TIAM1: variants seen among roughly 807,000 people sequenced by gnomAD.
TIAM1 encodes the protein rho guanine nucleotide exchange factor TIAM1.
TIAM1 carries 65 observed loss-of-function variants against 163.5 expected under a neutral mutation model. The ratio of observed to expected loss-of-function variants is 0.40; its 90% CI spans 0.33 to 0.49. The LOEUF is 0.49. Among genes scored for constraint, TIAM1 ranks in the 20% least tolerant of loss-of-function variants. The pLI, the probability that TIAM1 is intolerant of heterozygous loss-of-function variation, is 0.77. For missense variants in TIAM1, 1,789 were observed against 2,044.7 expected, an observed-to-expected ratio of 0.87 and a Z score of 2.41; for synonymous variants, 833 against 810.1, an observed-to-expected ratio of 1.03 and a Z score of -0.48.
In TIAM1 at chr21:31,120,538, G is replaced by A. The variant is rs115760029; in HGVS notation, c.4606C>T (p.Arg1536Trp). The change falls in exon 28 of 28, where the codon CGG (arginine) becomes TGG (tryptophan). Residue 1536 changes from arginine to tryptophan, a missense_variant. This residue lies in a region of TIAM1 where 415 missense variants were observed against 439.2 expected (regional missense o/e 0.94). Coordinates refer to ENST00000541036, the MANE Select transcript of TIAM1 (RefSeq NM_001353694.2). This position sits in a 1 kb window ranked among gnomAD's most constrained non-coding sequence, Gnocchi z 4.2. ...ERLQATSISQ[R>W]ERGRKTLDSH... is the part of the protein sequence containing the mutation. ...TCCAGGGTTTTCCGGCCTCTTTCCC[G>A]CTGACTGATGGAGGTGGCCTGAAGC... The A allele has an allele frequency of 2.5e-5, 40 of 1,614,154 alleles. No homozygotes were observed. Among genetic ancestry groups the A allele is most frequent in the Admixed American group, 8.3e-5 (5 of 60,030 alleles).
At chr21:31,375,920 G>A (rs545775260) in intron 2 of TIAM1, among the ~76,000 whole-genome samples, 7 of 152,068 alleles carry the variant, frequency 4.6e-5, no homozygotes, top group Admixed American at 2.6e-4. Flanking sequence ...CCAGCTACTC[G>A]GGAGGCTGAG....
At chr21:31,442,084 T>TATATATATATATAG (rs1389424801) in intron 2 of TIAM1, among the ~76,000 whole-genome samples, 4 of 122,708 alleles carry the variant, frequency 3.3e-5, no homozygotes, top group African/African-American at 1.2e-4. Flanking sequence ...TATATATATA[T>TATATATATATATAG]ATAGAACAAT....
intron 1 of TIAM1, among the ~76,000 whole-genome samples, chr21:31,510,550 C>A: frequency 6.6e-6 from 1 of 152,142 alleles, no homozygotes; most frequent in East Asian, 1.9e-4. Flanking sequence ...GTTGGGCTCA[C>A]ACCTGTAATC....
chr21:31,432,592 A>T (rs2044079824), intron 2 of TIAM1, among the ~76,000 whole-genome samples: 1 of 152,232 alleles, frequency 6.6e-6, no homozygotes, highest in African/African-American at 2.4e-5. Flanking sequence ...CAGAGAAGAA[A>T]AGCAACTCCA....
At chr21:31,506,393 A>T (rs906713235) in intron 1 of TIAM1, among the ~76,000 whole-genome samples, 7 of 152,224 alleles carry the variant, frequency 4.6e-5, no homozygotes, top group Middle Eastern at 3.4e-3. Flanking sequence ...GTTCAGTGTT[A>T]TTAAGTACAT....
chr21:31,394,728 T>TCTCACACACA lies in TIAM1; in HGVS notation c.-368-55307_-368-55306insTGTGTGTGAG, dbSNP rs1279053911. ...CTCTCGCTCTCTCTCTCTCTCTCTC[T>TCTCACACACA]CACACACACACACACACACACACAC... On this transcript the variant is annotated intron_variant, in intron 2 of 28. Coordinates refer to the TIAM1 transcript ENST00000286827. Among the ~76,000 whole-genome samples the TCTCACACACA allele has an allele frequency of 1.5e-3, 140 of 95,722 alleles. 1 individual carries two copies. The highest frequency in any genetic ancestry group is 4.1e-3 in the South Asian group (10 of 2,432). The allele number at this position is 95,722 out of a possible 152,430, so 62.8% of individuals were successfully genotyped here.
intron 2 of TIAM1, among the ~76,000 whole-genome samples, chr21:31,303,977 CA>C (rs1374149351): frequency 2.0e-5 from 3 of 150,906 alleles, no homozygotes. Flanking sequence ...GACGCCATCT[CA>C]AAAAAAAGAA....
intron 25 of TIAM1, among the ~76,000 whole-genome samples, chr21:31,128,483 G>A (rs1283387772): frequency 6.6e-6 from 1 of 152,144 alleles, no homozygotes; most frequent in Non-Finnish European, 1.5e-5. Flanking sequence ...CTTAGAAGCT[G>A]TCAGTTTGCT....
chr21:31,327,742 C>A (rs571868633), intron 2 of TIAM1, among the ~76,000 whole-genome samples: 1 of 151,970 alleles, frequency 6.6e-6, no homozygotes, highest in South Asian at 2.1e-4. Context: ...CCCACCATCA[C>A]CCTGCACCAG....
At chr21:31,132,669 GAA>G (rs2082460745) in intron 23 of TIAM1, among the ~76,000 whole-genome samples, 1 of 152,150 alleles carries the variant, frequency 6.6e-6, no homozygotes, top group African/African-American at 2.4e-5. Context: ...AGGAGGGCCA[GAA>G]AGTGAGCTTC....
intron 2 of TIAM1, among the ~76,000 whole-genome samples, chr21:31,369,195 C>A (rs966243966): frequency 1.4e-4 from 18 of 132,930 alleles, no homozygotes; most frequent in African/African-American, 3.6e-4. Flanking sequence ...CACTGCACTC[C>A]AGCCTGGGTG....
intron 1 of TIAM1, among the ~76,000 whole-genome samples, chr21:31,539,269 T>C (rs1312049523): frequency 8.4e-6 from 1 of 119,344 alleles, no homozygotes; most frequent in African/African-American, 3.8e-5. Flanking sequence ...AATGGGTTAC[T>C]CTTTTTTTTT....
Position 31,252,142 on chromosome 21 carries a change from T to A in TIAM1, c.1011A>T (p.Glu337Asp). 1 of 1,611,310 alleles carries A rather than the reference T, an allele frequency of 6.2e-7. No homozygotes were observed. Among genetic ancestry groups the A allele is most frequent in the East Asian group, 2.2e-5 (1 of 44,870 alleles). Reference sequence around the variant, plus strand: ...GGAGGTCCGTGTCGGTAGTGGCCCCTTCAATCCCACTGTCTGCAAACTCAC... The same window carrying A: ...GGAGGTCCGTGTCGGTAGTGGCCCCATCAATCCCACTGTCTGCAAACTCAC... ...EGSEFADSGI[E>D]GATTDTDLLS... is the part of the protein sequence containing the mutation. The change falls in exon 5 of 28, where the codon GAA becomes GAT. Residue 337 changes from glutamate (E) to aspartate (D), a missense_variant. Glu to Asp is a conservative substitution (Grantham distance 45). This residue lies in a region of TIAM1 where 555 missense variants were observed against 564.9 expected (regional missense o/e 0.98). Coordinates refer to ENST00000541036, the MANE Select transcript of TIAM1 (RefSeq NM_001353694.2).
chr21:31,154,227 G>C lies in TIAM1; in HGVS notation c.3171+20C>G, dbSNP rs201794403. 32 of 1,610,434 alleles carry C rather than the reference G, an allele frequency of 2.0e-5. No homozygotes were observed. The East Asian group carries it at 7.1e-4, about 36-fold the overall frequency. On this transcript the variant is annotated intron_variant, in intron 17 of 27. Transcript: ENST00000541036. The stretch of plus-strand genomic sequence containing the variant: ...CTTTACGAGGCAGAGGGAGGGCAGG[G>C]GGAGAAAAAAGAAACATACCTTCAC...
intron 2 of TIAM1, among the ~76,000 whole-genome samples, chr21:31,324,582 G>C (rs2075423733): frequency 6.6e-6 from 1 of 152,316 alleles, no homozygotes; most frequent in South Asian, 2.1e-4. Context: ...CACACAGCCT[G>C]TAAGTGATGG....
chr21:31,280,021 C>T (rs1191191737), intron 2 of TIAM1, among the ~76,000 whole-genome samples: 2 of 150,794 alleles, frequency 1.3e-5, no homozygotes, highest in African/African-American at 2.5e-5. Context: ...CACAGACACA[C>T]ACGCGTGCGC....
intron 2 of TIAM1, among the ~76,000 whole-genome samples, chr21:31,285,997 A>T (rs1010611015): frequency 1.3e-5 from 2 of 152,216 alleles, no homozygotes; most frequent in Non-Finnish European, 2.9e-5. Flanking sequence ...TAAGTATGTA[A>T]GTGTGTGTAT....
intron 1 of TIAM1, among the ~76,000 whole-genome samples, chr21:31,521,778 A>ACACACACACACACACACACAC (rs56988265): frequency 2.6e-5 from 4 of 151,066 alleles, no homozygotes; most frequent in South Asian, 2.1e-4. Context: ...ACACACACAC[A>ACACACACACACACACACACAC]AAGTAAAGGA....
At chr21:31,390,619 G>A (rs892696938) in intron 2 of TIAM1, among the ~76,000 whole-genome samples, 10 of 152,190 alleles carry the variant, frequency 6.6e-5, no homozygotes, top group African/African-American at 2.4e-4. Flanking sequence ...ACCATGATCC[G>A]TGCAACCAAA....
Sources: gnomAD v4.1 joint callset for allele counts (sites outside exome capture counted in the v4.1 genomes callset) on GRCh38, gnomAD v4.1.1 for gene constraint, gnomAD v4.1.1 regional missense constraint, Gnocchi (gnomAD v3.1) non-coding constraint, MANE v1.5 for transcripts, NCBI Gene and HGNC (gene_info 2026-07-23, HGNC 2026-07-21) for gene names.